Variants in GLDC observed in about 807,000 individuals in gnomAD.
GLDC encodes the protein glycine dehydrogenase (decarboxylating), mitochondrial.
Under a neutral mutation model 121.3 loss-of-function variants are expected in GLDC, and 104 were observed. That is an observed-to-expected ratio of 0.86 (90% CI 0.73 to 1.01). The LOEUF is 1.01. Among genes scored for constraint, GLDC ranks in the 50% least tolerant of loss-of-function variants. The probability of loss-of-function intolerance (pLI) is 0.00; values close to 1 mark genes in which losing one functional copy is unlikely to be tolerated. For missense variants in GLDC, 1,429 were observed against 1,306.6 expected (o/e 1.09, Z -1.44); for synonymous variants, 546 against 480.6 (o/e 1.14, Z -1.78).
In GLDC at chr9:6,558,387, G is replaced by C. The variant is rs1817679316; in HGVS notation, c.2052+172C>G. The C allele has an allele frequency of 5.2e-6, 4 of 765,550 alleles. No individual in the cohort carries two copies. In the Admixed American group the frequency reaches 7.7e-5, roughly 15 times the overall value. 47.4% of individuals were successfully genotyped at this position (765,550 alleles called of 1,614,324 possible). ...TACACAAGCTGGAATTAGAAAACGG[G>C]GATTTCTCCCTGTTGGTGATGGGAG... is the stretch of plus-strand genomic sequence containing the variant. On this transcript the variant is annotated intron_variant, in intron 17 of 24. Transcript: ENST00000321612.
At chr9:6,636,031 G>A (rs1029426974) in intron 2 of GLDC, among the ~76,000 whole-genome samples, 1 of 152,080 alleles carries the variant, frequency 6.6e-6, no homozygotes, top group Admixed American at 6.6e-5. Context: ...GAGGCCAGGC[G>A]CAGTGGCTCA....
intron 15 of GLDC, 65 bp downstream of exon 15, chr9:6,587,076 A>C: frequency 7.4e-7 from 1 of 1,342,836 alleles, no homozygotes; most frequent in Non-Finnish European, 1.1e-6. Context: ...CTAAGCCTTT[A>C]AGTTTTGTGG....
intron 7 of GLDC, 73 bp downstream of exon 7, chr9:6,604,515 T>A (rs1167541610): frequency 8.1e-6 from 11 of 1,349,934 alleles, no homozygotes; most frequent in Non-Finnish European, 9.6e-6. Context: ...CAGATAGAAA[T>A]CAACATTTGT....
At chr9:6,538,817 G>A (rs143330429) in intron 22 of GLDC, among the ~76,000 whole-genome samples, 163 of 152,284 alleles carry the variant, frequency 1.1e-3, no homozygotes, top group African/African-American at 3.5e-3. Flanking sequence ...TTACCCAATC[G>A]CTAGCCGGGA....
chr9:6,543,424 G>C lies in GLDC; in HGVS notation c.2570-3278C>G, dbSNP rs200040996. ...CACTCTTGCTGGCAGCGCAAGAGGA[G>C]AGTCTTCCAAGCAGAGGTTCAGTAA... On this transcript the variant is annotated intron_variant, in intron 21 of 24. Coordinates refer to ENST00000321612, the MANE Select transcript of GLDC (RefSeq NM_000170.3). Among the ~76,000 whole-genome samples the C allele has an allele frequency of 2.0e-5, 3 of 152,142 alleles. 1 individual carries two copies. Among genetic ancestry groups the C allele is most frequent in the African/African-American group, 4.8e-5 (2 of 41,434 alleles).
chr9:6,553,267 AATTT>A, intron 20 of GLDC, 97 bp downstream of exon 20: 4 of 1,038,054 alleles, frequency 3.9e-6, no homozygotes, highest in South Asian at 1.3e-5. Flanking sequence ...TCAGATCATG[AATTT>A]ATTTGTTTTT....
intron 5 of GLDC, 62 bp from the exon 6 acceptor site, chr9:6,605,340 G>C: frequency 5.2e-6 from 8 of 1,549,046 alleles, no homozygotes; most frequent in Admixed American, 3.4e-5. Context: ...ATTAATTAAC[G>C]TTTCTTTTCC....
chr9:6,601,888 C>T (rs1162658233), intron 8 of GLDC, among the ~76,000 whole-genome samples: 2 of 152,172 alleles, frequency 1.3e-5, no homozygotes, highest in Non-Finnish European at 2.9e-5. Context: ...GCCTTGGCCT[C>T]ACAAGGTGCT....
chr9:6,564,913 C>G (rs1037201244), intron 16 of GLDC, among the ~76,000 whole-genome samples: 2 of 152,206 alleles, frequency 1.3e-5, no homozygotes, highest in African/African-American at 4.8e-5. Flanking sequence ...TTTATTTATT[C>G]AACAAATATT....
intron 21 of GLDC, among the ~76,000 whole-genome samples, chr9:6,542,537 C>G (rs1285171282): frequency 3.3e-5 from 5 of 152,072 alleles, no homozygotes; most frequent in Non-Finnish European, 7.4e-5. Flanking sequence ...TGCGCCCAGG[C>G]AAAACATGCT....
At chr9:6,542,968 T>G (rs551083412) in intron 21 of GLDC, among the ~76,000 whole-genome samples, 2 of 146,074 alleles carry the variant, frequency 1.4e-5, no homozygotes, top group South Asian at 4.4e-4. Context: ...TGAAACAGAA[T>G]AGTAAGTGGA....
intron 16 of GLDC, among the ~76,000 whole-genome samples, chr9:6,561,072 C>G (rs140842733): frequency 1.1e-3 from 168 of 152,322 alleles, no homozygotes; most frequent in African/African-American, 3.9e-3. Flanking sequence ...TCAGCTCTAC[C>G]AACACTTTGA....
intron 21 of GLDC, among the ~76,000 whole-genome samples, chr9:6,548,489 G>A (rs1817442976): frequency 6.6e-6 from 1 of 152,150 alleles, no homozygotes; most frequent in African/African-American, 2.4e-5. Flanking sequence ...TCTGCTCTCT[G>A]GGGAGCATTT....
At chr9:6,556,450 T>TA (rs1031012073) in intron 17 of GLDC, 148 bp from the exon 18 acceptor site, 3,223 of 619,482 alleles carry the variant, frequency 5.2e-3, no homozygotes, top group Non-Finnish European at 5.9e-3. Flanking sequence ...ATGACAGCAA[T>TA]AAAAAAAAAC....
intron 18 of GLDC, among the ~76,000 whole-genome samples, chr9:6,555,201 C>T (rs775964057): frequency 5.9e-5 from 9 of 152,082 alleles, no homozygotes; most frequent in South Asian, 2.1e-4. Context: ...TGCACGTTAC[C>T]GAACGGCCCC....
At chr9:6,638,793 G>T (rs1226056779) in intron 2 of GLDC, among the ~76,000 whole-genome samples, 2 of 152,008 alleles carry the variant, frequency 1.3e-5, no homozygotes, top group East Asian at 3.9e-4. Context: ...GGCAGATCAC[G>T]AGGTCAGGAG....
At chr9:6,612,371 C>T (rs556579506) in intron 3 of GLDC, among the ~76,000 whole-genome samples, 1 of 152,164 alleles carries the variant, frequency 6.6e-6, no homozygotes, top group South Asian at 2.1e-4. Context: ...CCACCACACT[C>T]CCTGTCAAAG....
intron 2 of GLDC, among the ~76,000 whole-genome samples, chr9:6,633,751 T>C (rs1489372799): frequency 4.3e-4 from 63 of 147,408 alleles, no homozygotes; most frequent in Non-Finnish European, 3.0e-5. Context: ...CAAAACTCCA[T>C]CTCTACTAAA....
intron 16 of GLDC, among the ~76,000 whole-genome samples, chr9:6,562,973 C>G (rs1019575900): frequency 4.6e-5 from 7 of 152,336 alleles, no homozygotes; most frequent in Middle Eastern, 3.4e-3. Context: ...CCCCCTCTCC[C>G]TGAAGCACAG....
Sources: gnomAD v4.1 joint callset for allele counts (sites outside exome capture counted in the v4.1 genomes callset) on GRCh38, gnomAD v4.1.1 for gene constraint, MANE v1.5 for transcripts, NCBI Gene and HGNC (gene_info 2026-07-23, HGNC 2026-07-21) for gene names.